Variants in NOS1AP observed in about 807,000 individuals in gnomAD.
NOS1AP encodes the protein carboxyl-terminal PDZ ligand of neuronal nitric oxide synthase protein.
Under a neutral mutation model 56.2 loss-of-function variants are expected in NOS1AP, and 21 were observed. That is an observed-to-expected ratio of 0.37 (90% CI 0.26 to 0.54). NOS1AP has a LOEUF of 0.54. Ranked by LOEUF, NOS1AP falls within the 20% of genes least tolerant of loss-of-function variation. The pLI is 0.84. For missense variants in NOS1AP, 522 were observed against 657.8 expected (o/e 0.79, Z 2.26); for synonymous variants, 270 against 274.6 (o/e 0.98, Z 0.17).
At chr1:162,153,254 G>A (rs1029631200) in intron 1 of NOS1AP, among the ~76,000 whole-genome samples, 17 of 152,158 alleles carry the variant, frequency 1.1e-4, no homozygotes, top group South Asian at 4.2e-4. Context: ...TCAGCCTCCC[G>A]AGTAGCTGGA....
chr1:162,365,190 G>A (rs1571249215), intron 8 of NOS1AP: 59 of 1,441,762 alleles, frequency 4.1e-5, no homozygotes, highest in Non-Finnish European at 5.2e-5. Flanking sequence ...CCTCCCTTAG[G>A]ACACACAGCT....
At chr1:162,157,731 C>T (rs1398588243) in intron 2 of NOS1AP, among the ~76,000 whole-genome samples, 1 of 152,162 alleles carries the variant, frequency 6.6e-6, no homozygotes, top group Non-Finnish European at 1.5e-5. Context: ...TCATCTGTTT[C>T]CCAGAGAGAG....
At chr1:162,211,830 G>T (rs918391486) in intron 2 of NOS1AP, among the ~76,000 whole-genome samples, 1 of 152,140 alleles carries the variant, frequency 6.6e-6, no homozygotes, top group African/African-American at 2.4e-5. Flanking sequence ...GCCATCGGAG[G>T]GACTGGCTGA....
intron 1 of NOS1AP, among the ~76,000 whole-genome samples, chr1:162,139,177 T>C (rs1649129334): frequency 6.6e-6 from 1 of 152,106 alleles, no homozygotes; most frequent in Non-Finnish European, 1.5e-5. Flanking sequence ...CCCTCCTTAG[T>C]TGTTATTTTC....
At chr1:162,175,136 A>G (rs1199722056) in intron 2 of NOS1AP, among the ~76,000 whole-genome samples, 1 of 151,462 alleles carries the variant, frequency 6.6e-6, no homozygotes, top group Non-Finnish European at 1.5e-5. Flanking sequence ...TTTTCTTTCC[A>G]TGAAGTACTT....
chr1:162,076,869 T>G (rs1008947821), intron 1 of NOS1AP, among the ~76,000 whole-genome samples: 1 of 152,226 alleles, frequency 6.6e-6, no homozygotes, highest in Admixed American at 6.5e-5. Context: ...TGTGTCTGAC[T>G]TCTTTGCCTT....
intron 2 of NOS1AP, among the ~76,000 whole-genome samples, chr1:162,276,454 G>A (rs1159882685): frequency 6.6e-6 from 1 of 151,612 alleles, no homozygotes; most frequent in Admixed American, 6.6e-5. Flanking sequence ...TAGTTTCTAT[G>A]GTCTGCTAAA....
At chr1:162,099,253 C>T (rs10737536) in intron 1 of NOS1AP, among the ~76,000 whole-genome samples, 93,752 of 150,624 alleles carry the variant, frequency 0.62, 29,533 homozygotes, top group Non-Finnish European at 0.67. Flanking sequence ...AGTGGCACGA[C>T]CTCGGCTCAC....
At chr1:162,070,576 C>G (rs932615979) in intron 1 of NOS1AP, among the ~76,000 whole-genome samples, 6 of 152,206 alleles carry the variant, frequency 3.9e-5, no homozygotes, top group Non-Finnish European at 7.3e-5. Context: ...TCCCGGATCC[C>G]TCCTCCAGAG....
At chr1:162,202,621 A>G (rs971185996) in intron 2 of NOS1AP, among the ~76,000 whole-genome samples, 1 of 152,156 alleles carries the variant, frequency 6.6e-6, no homozygotes, top group Non-Finnish European at 1.5e-5. Context: ...TATTATGAAT[A>G]AATTTTTGCG....
intron 2 of NOS1AP, among the ~76,000 whole-genome samples, chr1:162,255,222 C>T (rs1334651120): frequency 6.6e-6 from 1 of 152,116 alleles, no homozygotes; most frequent in Non-Finnish European, 1.5e-5. Flanking sequence ...GAGGTGGCTC[C>T]TAGAGTTTGT....
intron 1 of NOS1AP, among the ~76,000 whole-genome samples, chr1:162,072,059 CAGATAGATAGATAGATAGATAGATAGAT>C (rs138572328): frequency 2.8e-5 from 4 of 141,704 alleles, no homozygotes; most frequent in Admixed American, 7.1e-5. Flanking sequence ...GACCCTGTCT[CAGATAGATAGATAGATAGATAGATAGAT>C]AGATAGATAG....
intron 1 of NOS1AP, among the ~76,000 whole-genome samples, chr1:162,093,644 T>C (rs1002020423): frequency 6.6e-6 from 1 of 152,048 alleles, no homozygotes; most frequent in South Asian, 2.1e-4. Context: ...AGCTTTGAAC[T>C]CCTGGGCTCA....
Position 162,264,479 on chromosome 1 carries a change from C to T in NOS1AP, c.178-22865C>T, listed in dbSNP as rs796143323. The stretch of plus-strand genomic sequence containing the variant: ...TCTTCTCTTCTCCTCCCCTCCCCTC[C>T]CCTCCCCTCTCCTCCTCTCCTCTCC... On this transcript the variant is annotated intron_variant, in intron 2 of 9. Transcript: ENST00000361897. Among the ~76,000 whole-genome samples the T allele has an allele frequency of 0.012, 236 of 19,150 alleles. 6 individuals are homozygous for T. In the East Asian group the frequency reaches 0.21, roughly 17 times the overall value. The allele number at this position is 19,150 out of a possible 152,430, so 12.6% of individuals were successfully genotyped here. A position where few individuals can be genotyped will look rare whatever the true frequency, so the allele number is the denominator to read the frequency against.
intron 2 of NOS1AP, among the ~76,000 whole-genome samples, chr1:162,253,754 GT>G (rs763065319): frequency 2.6e-5 from 4 of 151,790 alleles, no homozygotes; most frequent in Non-Finnish European, 4.4e-5. Context: ...TATCTTCTGG[GT>G]TTTTTTTCTT....
At chr1:162,155,326 G>GTGTATA (rs1170259461) in intron 2 of NOS1AP, among the ~76,000 whole-genome samples, 2 of 145,318 alleles carry the variant, frequency 1.4e-5, no homozygotes, top group African/African-American at 5.0e-5. Flanking sequence ...ATATATGTAT[G>GTGTATA]TGTATATGTA....
At chr1:162,357,644 T>C (rs1467086291) in intron 8 of NOS1AP, among the ~76,000 whole-genome samples, 2 of 150,068 alleles carry the variant, frequency 1.3e-5, no homozygotes, top group African/African-American at 4.8e-5. Context: ...GATCTACTTA[T>C]TCCAGGCAGT....
chr1:162,160,270 G>A (rs556362930), intron 2 of NOS1AP, among the ~76,000 whole-genome samples: 43 of 152,304 alleles, frequency 2.8e-4, no homozygotes, highest in African/African-American at 1.0e-3. Context: ...CTGGAGTGGT[G>A]TTGGTCTTGG....
intron 2 of NOS1AP, among the ~76,000 whole-genome samples, chr1:162,251,814 C>T (rs527800262): frequency 1.5e-3 from 224 of 148,688 alleles, no homozygotes; most frequent in Non-Finnish European, 2.7e-3. Flanking sequence ...CAACCTCCCA[C>T]GTAGCTGGGA....
Sources: gnomAD v4.1 joint callset for allele counts (sites outside exome capture counted in the v4.1 genomes callset) on GRCh38, gnomAD v4.1.1 for gene constraint, MANE v1.5 for transcripts, NCBI Gene and HGNC (gene_info 2026-07-23, HGNC 2026-07-21) for gene names.